CAMTA1: variants seen among roughly 807,000 people sequenced by gnomAD.
The protein encoded by CAMTA1 is calmodulin-binding transcription activator 1.
Under a neutral mutation model 170.9 loss-of-function variants are expected in CAMTA1, and 27 were observed. That is an observed-to-expected ratio of 0.16 (90% CI 0.12 to 0.22). The LOEUF (loss-of-function observed/expected upper bound fraction) is 0.22. CAMTA1 is among the 10% of genes least tolerant of loss of function. CAMTA1 has a pLI of 1.00. For synonymous variants in CAMTA1, 833 were observed against 891.5 expected, an observed-to-expected ratio of 0.93 and a Z score of 1.17; for missense variants, 1,619 against 2,217.2, an observed-to-expected ratio of 0.73 and a Z score of 5.42.
intron 4 of CAMTA1, among the ~76,000 whole-genome samples, chr1:7,223,677 T>C (rs1253643157): frequency 6.6e-6 from 1 of 152,276 alleles, no homozygotes; most frequent in East Asian, 1.9e-4. Flanking sequence ...GGACAGTTAA[T>C]AAATACTTGT....
intron 4 of CAMTA1, among the ~76,000 whole-genome samples, chr1:7,108,510 C>T (rs1643825358): frequency 6.6e-6 from 1 of 152,124 alleles, no homozygotes; most frequent in Non-Finnish European, 1.5e-5. Context: ...CCTGAACTCT[C>T]ACATCATCCT....
At chr1:7,052,291 C>T (rs956782175) in intron 3 of CAMTA1, among the ~76,000 whole-genome samples, 6 of 152,026 alleles carry the variant, frequency 3.9e-5, no homozygotes, top group African/African-American at 7.3e-5. Context: ...TTCTCTCCGA[C>T]GACACCTTGG....
At chr1:7,237,155 G>A (rs1026707820) in intron 4 of CAMTA1, among the ~76,000 whole-genome samples, 1 of 152,198 alleles carries the variant, frequency 6.6e-6, no homozygotes, top group Non-Finnish European at 1.5e-5. Flanking sequence ...TGGAAAAAGA[G>A]TTCTTTAGAA....
chr1:7,060,459 C>T lies in CAMTA1; in HGVS notation c.235-30845C>T, dbSNP rs1339614842. 3.9e-5 allele frequency among the ~76,000 whole-genome samples: 6 copies of T among 152,220 alleles called. No homozygotes were observed. The South Asian group carries it at 6.2e-4, about 16-fold the overall frequency. ...ACTTAGTCACCTCTTTAAAGACTGCCGTCTCCAAATCCAGTCACATGCCGA... is the reference window on the plus strand; with the variant it reads ...ACTTAGTCACCTCTTTAAAGACTGCTGTCTCCAAATCCAGTCACATGCCGA... On this transcript the variant is annotated intron_variant, in intron 3 of 22. Transcript: ENST00000303635.
intron 22 of CAMTA1, among the ~76,000 whole-genome samples, chr1:7,764,679 C>T (rs370336241): frequency 6.6e-6 from 1 of 152,106 alleles, no homozygotes; most frequent in South Asian, 2.1e-4. Context: ...TTACTTGAGG[C>T]TGGGCCTGGT....
chr1:7,287,726 C>T (rs773318005), intron 5 of CAMTA1, among the ~76,000 whole-genome samples: 1 of 152,226 alleles, frequency 6.6e-6, no homozygotes, highest in Admixed American at 6.5e-5. Context: ...CATTGCAACT[C>T]TTGTGAGGCA....
At chr1:7,653,553 C>T (rs942405686) in intron 7 of CAMTA1, among the ~76,000 whole-genome samples, 2 of 152,218 alleles carry the variant, frequency 1.3e-5, no homozygotes, top group Non-Finnish European at 2.9e-5. Flanking sequence ...CACACCTGGC[C>T]TTGTTCTTTT....
In CAMTA1 at chr1:7,655,487, A is replaced by G. The variant is rs2095891202; in HGVS notation, c.665-6239A>G. On this transcript the variant is annotated intron_variant, in intron 7 of 22. Transcript: ENST00000303635. ...AACACACCCACCTATACAAACACAC[A>G]CCTATACAACACACATACACACACC... 2.1e-5 allele frequency among the ~76,000 whole-genome samples: 3 copies of G among 145,272 alleles called. No individual in the cohort carries two copies. In the South Asian group the frequency reaches 6.7e-4, roughly 32 times the overall value.
intron 6 of CAMTA1, among the ~76,000 whole-genome samples, chr1:7,540,931 T>C (rs1231724558): frequency 2.0e-5 from 3 of 152,220 alleles, no homozygotes; most frequent in Non-Finnish European, 4.4e-5. Context: ...GAAGAGGTCA[T>C]TGGTCTTTAG....
chr1:7,680,222 CT>C lies in CAMTA1; in HGVS notation c.2914+2491del. The C allele has an allele frequency of 3.7e-6, 1 of 273,884 alleles. No individual in the cohort carries two copies. Among genetic ancestry groups the C allele is most frequent in the Non-Finnish European group, 8.0e-6 (1 of 125,188 alleles). 17.0% of individuals were successfully genotyped at this position (273,884 alleles called of 1,614,324 possible). On this transcript the variant is annotated intron_variant, in intron 11 of 22. Coordinates refer to ENST00000303635, the MANE Select transcript of CAMTA1 (RefSeq NM_015215.4). The surrounding 1 kb of genome is among the most constrained non-coding windows in gnomAD (Gnocchi z 4.4). Reference sequence around the variant, plus strand: ...CTGCAGTGGCCGGGCGGTGGTGAGCCTTCCGTTCCCCGCCTGTCCCTCCCGG... The same window carrying C: ...CTGCAGTGGCCGGGCGGTGGTGAGCCTCCGTTCCCCGCCTGTCCCTCCCGG...
At chr1:7,345,900 G>C (rs979687450) in intron 5 of CAMTA1, among the ~76,000 whole-genome samples, 2 of 152,212 alleles carry the variant, frequency 1.3e-5, no homozygotes, top group African/African-American at 2.4e-5. Context: ...GAGAGCTCCA[G>C]GACTCTGAGA....
chr1:7,421,916 T>A (rs1331945977), intron 5 of CAMTA1, among the ~76,000 whole-genome samples: 1 of 151,214 alleles, frequency 6.6e-6, no homozygotes, highest in Non-Finnish European at 1.5e-5. Context: ...CAAGCGTTGC[T>A]CTGTGTGGCA....
chr1:6,931,443 A>G (rs955894436), intron 3 of CAMTA1, among the ~76,000 whole-genome samples: 1 of 152,162 alleles, frequency 6.6e-6, no homozygotes, highest in Non-Finnish European at 1.5e-5. Context: ...ATAGTACTAA[A>G]TGGAACACAC....
At chr1:7,484,323 A>T (rs1172147207) in intron 6 of CAMTA1, among the ~76,000 whole-genome samples, 3 of 152,184 alleles carry the variant, frequency 2.0e-5, no homozygotes, top group Admixed American at 2.0e-4. Context: ...GTCCTGATGC[A>T]GCCGCAAGGT....
intron 4 of CAMTA1, among the ~76,000 whole-genome samples, chr1:7,167,415 C>T (rs1250252300): frequency 6.6e-6 from 1 of 152,038 alleles, no homozygotes; most frequent in Non-Finnish European, 1.5e-5. Flanking sequence ...AGATCTGTTT[C>T]TGGGCCCCTT....
intron 6 of CAMTA1, among the ~76,000 whole-genome samples, chr1:7,539,392 C>A (rs2094583330): frequency 6.6e-6 from 1 of 152,216 alleles, no homozygotes; most frequent in Non-Finnish European, 1.5e-5. Flanking sequence ...AAATATTTCC[C>A]TCTACCCAGG....
At chr1:7,568,782 A>G (rs575864043) in intron 6 of CAMTA1, among the ~76,000 whole-genome samples, 1 of 150,792 alleles carries the variant, frequency 6.6e-6, no homozygotes, top group East Asian at 2.0e-4. Flanking sequence ...TCACATCACC[A>G]TCACCACCAC....
intron 4 of CAMTA1, among the ~76,000 whole-genome samples, chr1:7,210,934 T>A (rs1658635842): frequency 6.6e-6 from 1 of 152,254 alleles, no homozygotes; most frequent in South Asian, 2.1e-4. Context: ...CCCTTTCAAT[T>A]TGGCTACTGT....
intron 3 of CAMTA1, among the ~76,000 whole-genome samples, chr1:6,860,355 A>G (rs1172139298): frequency 6.6e-6 from 1 of 152,208 alleles, no homozygotes; most frequent in Non-Finnish European, 1.5e-5. Context: ...GGGATGAGTT[A>G]GAGCTCTAAT....
Sources: gnomAD v4.1 joint callset for allele counts (sites outside exome capture counted in the v4.1 genomes callset) on GRCh38, gnomAD v4.1.1 for gene constraint, Gnocchi (gnomAD v3.1) non-coding constraint, MANE v1.5 for transcripts, NCBI Gene and HGNC (gene_info 2026-07-23, HGNC 2026-07-21) for gene names.